The following STAU2 variants were observed in gnomAD, a reference collection of about 807,000 sequenced individuals.
STAU2 encodes double-stranded RNA-binding protein Staufen homolog 2.
In STAU2, 20 loss-of-function variants were observed where a neutral mutation model predicts 65.9. The observed-to-expected ratio is 0.30, with a 90% confidence interval of 0.21 to 0.44. The LOEUF (loss-of-function observed/expected upper bound fraction) is 0.44. Ranked by LOEUF, STAU2 falls within the 20% of genes least tolerant of loss-of-function variation. STAU2 has a pLI of 1.00. For missense variants in STAU2, 558 were observed against 683.9 expected (o/e 0.82, Z 2.05); for synonymous variants, 232 against 233.9 (o/e 0.99, Z 0.07).
At chr8:73,603,154 GA>G (rs925006612) in intron 10 of STAU2, among the ~76,000 whole-genome samples, 1 of 152,190 alleles carries the variant, frequency 6.6e-6, no homozygotes, top group Non-Finnish European at 1.5e-5. Context: ...GGTTGAAAAG[GA>G]GAGCATTTTA....
chr8:73,428,704 T>C (rs1378339489), intron 13 of STAU2, among the ~76,000 whole-genome samples: 1 of 152,150 alleles, frequency 6.6e-6, no homozygotes, highest in Admixed American at 6.5e-5. Flanking sequence ...TTTCACTAGG[T>C]ACACTGGGAA....
intron 3 of STAU2, among the ~76,000 whole-genome samples, chr8:73,725,308 C>T (rs1489183784): frequency 2.0e-5 from 3 of 152,008 alleles, no homozygotes; most frequent in Non-Finnish European, 2.9e-5. Context: ...TTTATTTTGT[C>T]GTATAGGAAT....
At chr8:73,701,185 T>C (rs1337880465) in intron 4 of STAU2, among the ~76,000 whole-genome samples, 1 of 152,038 alleles carries the variant, frequency 6.6e-6, no homozygotes, top group Non-Finnish European at 1.5e-5. Context: ...CAAGACGACA[T>C]TAAGGAAAAT....
intron 12 of STAU2, among the ~76,000 whole-genome samples, chr8:73,574,919 T>TAAATA (rs1174965041): frequency 6.6e-6 from 1 of 151,062 alleles, no homozygotes; most frequent in African/African-American, 2.4e-5. Flanking sequence ...AATAAATAAA[T>TAAATA]AAATAAAATA....
At chr8:73,606,936 T>G (rs1812066537) in intron 9 of STAU2, among the ~76,000 whole-genome samples, 1 of 152,042 alleles carries the variant, frequency 6.6e-6, no homozygotes, top group Non-Finnish European at 1.5e-5. Flanking sequence ...AGGATGAATC[T>G]CAAAATAATT....
chr8:73,661,980 C>T (rs1374148373), intron 6 of STAU2, among the ~76,000 whole-genome samples: 1 of 152,104 alleles, frequency 6.6e-6, no homozygotes, highest in African/African-American at 2.4e-5. Context: ...AAGATAAGTA[C>T]TACATGCTTA....
intron 6 of STAU2, among the ~76,000 whole-genome samples, chr8:73,659,680 C>T (rs1377439981): frequency 6.6e-6 from 1 of 151,994 alleles, no homozygotes; most frequent in Non-Finnish European, 1.5e-5. Flanking sequence ...GCTTCAAACA[C>T]AAAATAAACC....
At chr8:73,708,986 T>TGTTAGTCTG in intron 4 of STAU2, 46 bp downstream of exon 4, 1 of 1,430,914 alleles carries the variant, frequency 7.0e-7, no homozygotes, top group Admixed American at 2.7e-5. Context: ...ATGATAAATC[T>TGTTAGTCTG]GTTAGTCTGA....
chr8:73,496,193 T>G lies in STAU2; in HGVS notation c.1530+55819A>C, dbSNP rs148800359. ...ATAAAATTCTGTCTCTCTTATTCTC[T>G]CGGTGTGTGTGTGTGCATCAAAAAT... On this transcript the variant is annotated intron_variant, in intron 13 of 14. Coordinates refer to ENST00000524300, the MANE Select transcript of STAU2 (RefSeq NM_001164380.2). Among the ~76,000 whole-genome samples the G allele has an allele frequency of 1.0e-3, 154 of 151,558 alleles. No homozygotes were observed. The East Asian group carries it at 0.026, about 26-fold the overall frequency.
rs1350455861 is a variant in STAU2, at chr8:73,422,646, T to C, written c.1587A>G (p.Gly529=). 6.6e-7 allele frequency: 1 copy of C among 1,515,688 alleles called. No individual in the cohort carries two copies. The highest frequency in any genetic ancestry group is 8.8e-7 in the Non-Finnish European group (1 of 1,140,078). 93.9% of individuals were successfully genotyped at this position (1,515,688 alleles called of 1,614,324 possible). ...FSEQGLDPID[G]AMNIEKGSLE... is the part of the protein sequence containing the mutation. ...GAGAACCTTTTTCGATATTCATTGC[T>C]CCATCGATTGGATCCAGTCCTTGTT... Residue 529 remains glycine (G), a synonymous_variant, in exon 14 of 15, where the codon GGA becomes GGG. Transcript: ENST00000524300.
chr8:73,713,963 G>A (rs182380484), intron 3 of STAU2, among the ~76,000 whole-genome samples: 3 of 152,208 alleles, frequency 2.0e-5, no homozygotes, highest in African/African-American at 7.2e-5. Flanking sequence ...TAGTGCAAGG[G>A]CGCGATCTCG....
chr8:73,746,332 C>T (rs1291923280), intron 1 of STAU2, among the ~76,000 whole-genome samples: 2 of 151,648 alleles, frequency 1.3e-5, no homozygotes, highest in African/African-American at 2.4e-5. Flanking sequence ...TAGGCGCTCC[C>T]TCTCCCTCGC....
At chr8:73,687,126 T>C (rs1435847952) in intron 5 of STAU2, among the ~76,000 whole-genome samples, 1 of 144,248 alleles carries the variant, frequency 6.9e-6, no homozygotes, top group Non-Finnish European at 1.5e-5. Flanking sequence ...TATATAGTTT[T>C]ATATATTATA....
intron 12 of STAU2, among the ~76,000 whole-genome samples, chr8:73,570,284 C>T (rs1430960419): frequency 6.6e-6 from 1 of 152,160 alleles, no homozygotes; most frequent in Non-Finnish European, 1.5e-5. Context: ...AAGAAATGAA[C>T]AAAGCCTCCA....
chr8:73,569,807 T>C (rs10113587), intron 12 of STAU2, among the ~76,000 whole-genome samples: 19,143 of 152,110 alleles, frequency 0.13, 1,478 homozygotes, highest in Non-Finnish European at 0.18. Context: ...ACCCCATCTG[T>C]ACGTCACCAT....
At chr8:73,609,266 C>A (rs936113703) in intron 9 of STAU2, among the ~76,000 whole-genome samples, 1 of 151,340 alleles carries the variant, frequency 6.6e-6, no homozygotes, top group Non-Finnish European at 1.5e-5. Flanking sequence ...TTCACTGTTG[C>A]AATGGTTAGA....
intron 6 of STAU2, among the ~76,000 whole-genome samples, chr8:73,660,431 G>A (rs115697957): frequency 0.029 from 4,441 of 152,212 alleles, 185 homozygotes; most frequent in African/African-American, 0.097. Context: ...ACCGGCTCAG[G>A]ACCAAGATTA....
chr8:73,655,197 T>C (rs1339289343), intron 6 of STAU2, among the ~76,000 whole-genome samples: 1 of 152,236 alleles, frequency 6.6e-6, no homozygotes, highest in Non-Finnish European at 1.5e-5. Context: ...ACAGCTAAAG[T>C]TTTAATTCAC....
chr8:73,500,823 T>C (rs951656259), intron 13 of STAU2, among the ~76,000 whole-genome samples: 10 of 151,916 alleles, frequency 6.6e-5, no homozygotes, highest in Non-Finnish European at 1.5e-4. Context: ...TAATAAGTAA[T>C]GATATTTTTC....
Sources: gnomAD v4.1 joint callset for allele counts (sites outside exome capture counted in the v4.1 genomes callset) on GRCh38, gnomAD v4.1.1 for gene constraint, MANE v1.5 for transcripts, NCBI Gene and HGNC (gene_info 2026-07-23, HGNC 2026-07-21) for gene names.